The following CLCN6 variants were observed in gnomAD, a reference collection of about 807,000 sequenced individuals.
The protein encoded by CLCN6 is H(+)/Cl(-) exchange transporter 6.
CLCN6 carries 70 observed loss-of-function variants against 109.8 expected under a neutral mutation model. The observed-to-expected ratio is 0.64, with a 90% CI of 0.53 to 0.78. The LOEUF (loss-of-function observed/expected upper bound fraction) is 0.78. Ranked by LOEUF, CLCN6 falls within the 30% of genes least tolerant of loss-of-function variation. CLCN6 has a pLI of 0.00. For synonymous variants in CLCN6, 444 were observed against 447.8 expected (o/e 0.99, Z 0.11); for missense variants, 984 against 1,142.3 (o/e 0.86, Z 2.00).
In CLCN6 at chr1:11,806,200, A is replaced by C; in HGVS notation, c.-63A>C. 1 of 1,351,362 alleles carries C rather than the reference A, an allele frequency of 7.4e-7. No individual in the cohort carries two copies. The highest frequency in any genetic ancestry group is 9.6e-7 in the Non-Finnish European group (1 of 1,037,126). 83.7% of individuals were successfully genotyped at this position (1,351,362 alleles called of 1,614,324 possible). ...TGACCGTCCCGGGGCCAGTCACGTG[A>C]GGCGCAGATCCTGGCTGGGAGGGGG... On this transcript the variant is annotated 5_prime_UTR_variant, in exon 1 of 23. Transcript: ENST00000346436.
At chr1:11,819,973 G>T (rs1283622229) in intron 5 of CLCN6, among the ~76,000 whole-genome samples, 1 of 152,126 alleles carries the variant, frequency 6.6e-6, no homozygotes, top group Non-Finnish European at 1.5e-5. Flanking sequence ...ACAAGTTTGG[G>T]GAGTTAGGGA....
chr1:11,823,031 G>A (rs1644765692), intron 6 of CLCN6, among the ~76,000 whole-genome samples: 1 of 152,170 alleles, frequency 6.6e-6, no homozygotes, highest in Non-Finnish European at 1.5e-5. Flanking sequence ...GAGGAAAAAA[G>A]GGGGAAAGGG....
chr1:11,815,032 C>CA lies in CLCN6; in HGVS notation c.148-796dup, dbSNP rs35753548. Among the ~76,000 whole-genome samples the CA allele has an allele frequency of 4.1e-3, 516 of 125,264 alleles. 4 individuals carry two copies. The highest frequency in any genetic ancestry group is 0.028 in the East Asian group (120 of 4,238). The allele number at this position is 125,264 out of a possible 152,430, so 82.2% of individuals were successfully genotyped here. On this transcript the variant is annotated intron_variant, in intron 2 of 22. Coordinates refer to ENST00000346436, the MANE Select transcript of CLCN6 (RefSeq NM_001286.5). Reference sequence around the variant, plus strand: ...TGGGCGACAGAGCGAGACTCCGTCTCAAAAAAAAAAAAAAAAAAGTGGAAG... The same window carrying CA: ...TGGGCGACAGAGCGAGACTCCGTCTCAAAAAAAAAAAAAAAAAAAGTGGAAG...
chr1:11,837,118 C>A lies in CLCN6; in HGVS notation c.2100C>A (p.Ala700=), dbSNP rs535386591. The A allele has an allele frequency of 6.2e-7, 1 of 1,613,172 alleles. No individual in the cohort carries two copies. Among genetic ancestry groups the A allele is most frequent in the African/African-American group, 1.3e-5 (1 of 74,934 alleles). The part of the protein sequence containing the change: ...CDEHIASEEP[A]EKEDLLQQML... The stretch of plus-strand genomic sequence containing the variant: ...AGCACATCGCCTCTGAGGAGCCAGC[C>A]GAGAAGGAGGACCTCCTGCAGCAGA... Residue 700 remains alanine (A), a synonymous_variant, in exon 19 of 23, where the codon GCC becomes GCA. Coordinates refer to ENST00000346436, the MANE Select transcript of CLCN6 (RefSeq NM_001286.5).
rs3073085 is a variant in CLCN6, at chr1:11,808,227, TTGTGTGTGTGTG to T, written c.147+1069_147+1080del. Among the ~76,000 whole-genome samples, 678 of 139,254 alleles carry T rather than the reference TTGTGTGTGTGTG, an allele frequency of 4.9e-3. 9 individuals carry two copies. The highest frequency in any genetic ancestry group is 0.016 in the African/African-American group (573 of 36,922). The allele number at this position is 139,254 out of a possible 152,430, so 91.4% of individuals were successfully genotyped here. A position where few individuals can be genotyped will look rare whatever the true frequency, so the allele number is the denominator to read the frequency against. Reference sequence around the variant, plus strand: ...TTTTTTATTGTATGTGTGTGTGTGTTTGTGTGTGTGTGTGTGTGTGTGTGTGTGTGTGTGTGT... The same window carrying T: ...TTTTTTATTGTATGTGTGTGTGTGTTTGTGTGTGTGTGTGTGTGTGTGTGT... On this transcript the variant is annotated intron_variant, in intron 2 of 22. Coordinates refer to ENST00000346436, the MANE Select transcript of CLCN6 (RefSeq NM_001286.5).
intron 8 of CLCN6, 30 bp from the exon 9 acceptor site, chr1:11,826,126 C>T: frequency 5.1e-6 from 8 of 1,570,336 alleles, no homozygotes; most frequent in Non-Finnish European, 7.0e-6. Flanking sequence ...TGAGTAGGCT[C>T]TTTAGTGGCT....
chr1:11,826,495 A>T (rs570925218), intron 9 of CLCN6, among the ~76,000 whole-genome samples: 1 of 152,366 alleles, frequency 6.6e-6, no homozygotes, highest in East Asian at 1.9e-4. Context: ...AGACAGGCAT[A>T]TTCTTAGGAA....
chr1:11,808,967 T>C (rs756268153), intron 2 of CLCN6, among the ~76,000 whole-genome samples: 15 of 151,908 alleles, frequency 9.9e-5, no homozygotes, highest in Non-Finnish European at 2.2e-4. Flanking sequence ...GTTCAAGCGG[T>C]TCTTCTGCCC....
intron 2 of CLCN6, among the ~76,000 whole-genome samples, chr1:11,811,476 G>A (rs1043570956): frequency 1.3e-5 from 2 of 150,368 alleles, no homozygotes; most frequent in African/African-American, 2.4e-5. Flanking sequence ...TCTGCCTCCC[G>A]GGTTCAAGTG....
chr1:11,812,211 A>C (rs1644607733), intron 2 of CLCN6, among the ~76,000 whole-genome samples: 1 of 152,224 alleles, frequency 6.6e-6, no homozygotes, highest in Admixed American at 6.5e-5. Context: ...TTAACTTGCT[A>C]GAGCGGGTCA....
intron 1 of CLCN6, chr1:11,806,861 C>G (rs1032496968): frequency 6.9e-5 from 30 of 436,866 alleles, no homozygotes; most frequent in Admixed American, 1.2e-4. Context: ...TTTTACCCCC[C>G]TTTTCAGCTG....
At chr1:11,838,842 C>A in intron 22 of CLCN6, 182 bp downstream of exon 22, 1 of 853,478 alleles carries the variant, frequency 1.2e-6, no homozygotes, top group Non-Finnish European at 2.0e-6. Flanking sequence ...CCCTGCCTGC[C>A]AGCAGATGGC....
rs1165935804 is a variant in CLCN6 at position 11,828,599 on chromosome 1, G to A, written c.1096G>A (p.Val366Met). 10 of 1,612,160 alleles carry A rather than the reference G, an allele frequency of 6.2e-6. No individual in the cohort carries two copies. Among genetic ancestry groups the A allele is most frequent in the African/African-American group, 2.7e-5 (2 of 74,816 alleles). ...KRLAKYRMRNVHPKPKLVRVL... is the reference protein window; with the variant it reads ...KRLAKYRMRNMHPKPKLVRVL... ...GCTTGCAAAGTACCGTATGCGAAAC[G>A]TGCACCCGAAACCTAAGCTCGTCAG... Residue 366 changes from valine to methionine, a missense_variant, in exon 12 of 23, where the codon GTG (valine) becomes ATG (methionine). Transcript: ENST00000346436.
intron 6 of CLCN6, among the ~76,000 whole-genome samples, chr1:11,823,063 G>A (rs1476674291): frequency 6.6e-6 from 1 of 152,210 alleles, no homozygotes; most frequent in Non-Finnish European, 1.5e-5. Flanking sequence ...ACTGTTGGGT[G>A]CCATGCGCAC....
chr1:11,822,846 T>C (rs758273434), intron 6 of CLCN6, 45 bp downstream of exon 6: 2 of 1,195,806 alleles, frequency 1.7e-6, no homozygotes, highest in African/African-American at 3.0e-5. Flanking sequence ...GGTTTTAGAG[T>C]CCCGCACTCC....
At position 11,816,573 on chromosome 1, in the gene CLCN6, C is replaced by T. The variant is rs888405432; in HGVS notation, c.214-42C>T. On this transcript the variant is annotated intron_variant, in intron 3 of 22. Coordinates refer to ENST00000346436, the MANE Select transcript of CLCN6 (RefSeq NM_001286.5). The stretch of plus-strand genomic sequence containing the variant: ...AGATGTATTTCTTCCCCTCTGCCAC[C>T]ATAACCCTGTAAACTGAATCATTCT... 8 of 1,580,884 alleles carry T rather than the reference C, an allele frequency of 5.1e-6. No individual in the cohort carries two copies. The African/African-American group carries it at 9.4e-5, about 19-fold the overall frequency.
chr1:11,816,876 C>T (rs1289661505), intron 4 of CLCN6, among the ~76,000 whole-genome samples, 196 bp downstream of exon 4: 4 of 150,658 alleles, frequency 2.7e-5, no homozygotes, highest in South Asian at 4.2e-4. Flanking sequence ...AATCCTGGCA[C>T]AGTTTTTCAC....
intron 7 of CLCN6, among the ~76,000 whole-genome samples, chr1:11,824,244 G>A (rs1333784016): frequency 6.6e-6 from 1 of 152,194 alleles, no homozygotes; most frequent in African/African-American, 2.4e-5. Context: ...AAACCAGGAG[G>A]GAGCTGGTGG....
chr1:11,841,931 C>G lies in CLCN6; in HGVS notation c.*1708C>G, dbSNP rs1645028808. 1 of 152,190 alleles carries G rather than the reference C, an allele frequency of 6.6e-6. No individual in the cohort carries two copies. The highest frequency in any genetic ancestry group is 2.4e-5 in the African/African-American group (1 of 41,430). The allele number at this position is 152,190 out of a possible 1,614,324, so 9.4% of individuals were successfully genotyped here. A position where few individuals can be genotyped will look rare whatever the true frequency, so the allele number is the denominator to read the frequency against. On this transcript the variant is annotated 3_prime_UTR_variant, in exon 23 of 23. Coordinates refer to ENST00000346436, the MANE Select transcript of CLCN6 (RefSeq NM_001286.5). ...TGACTTATGAAATGGGGATAATACT[C>G]CCAGGAAATAGCGCAGGACATCACA...
Sources: gnomAD v4.1 joint callset for allele counts (sites outside exome capture counted in the v4.1 genomes callset) on GRCh38, gnomAD v4.1.1 for gene constraint, MANE v1.5 for transcripts, NCBI Gene and HGNC (gene_info 2026-07-23, HGNC 2026-07-21) for gene names.